WDR70: variants seen among roughly 807,000 people sequenced by gnomAD.
WDR70 encodes WD repeat domain 70, also known as WD repeat-containing protein 70.
A neutral mutation model predicts 88.6 loss-of-function variants in WDR70; 53 were observed. The ratio of observed to expected loss-of-function variants is 0.60; its 90% CI spans 0.48 to 0.75. WDR70 has a LOEUF of 0.75. WDR70 is among the 30% of genes least tolerant of loss of function. The pLI, the probability that WDR70 is intolerant of heterozygous loss-of-function variation, is 0.00. For synonymous variants in WDR70, 280 were observed against 270.0 expected, an observed-to-expected ratio of 1.04 and a Z score of -0.36; for missense variants, 610 against 823.2, an observed-to-expected ratio of 0.74 and a Z score of 3.17.
At chr5:37,519,884 T>A (rs1232782951) in intron 9 of WDR70, among the ~76,000 whole-genome samples, 7 of 152,324 alleles carry the variant, frequency 4.6e-5, no homozygotes, top group Non-Finnish European at 8.8e-5. Flanking sequence ...CTAATTTACA[T>A]TTTCACCAAC....
chr5:37,512,715 G>C (rs1290787727), intron 8 of WDR70, among the ~76,000 whole-genome samples: 2 of 151,288 alleles, frequency 1.3e-5, no homozygotes, highest in African/African-American at 2.4e-5. Flanking sequence ...CCGAGTAGCT[G>C]TGACTACCGT....
intron 3 of WDR70, among the ~76,000 whole-genome samples, chr5:37,387,918 C>T (rs1349654162): frequency 6.6e-6 from 1 of 151,974 alleles, no homozygotes; most frequent in Non-Finnish European, 1.5e-5. Context: ...AGACTTTGAC[C>T]CTTTTAATAG....
intron 6 of WDR70, among the ~76,000 whole-genome samples, chr5:37,439,481 A>T (rs916612607): frequency 6.6e-6 from 1 of 152,154 alleles, no homozygotes; most frequent in African/African-American, 2.4e-5. Context: ...GAGATGGGTC[A>T]TGAGTTTCAC....
intron 7 of WDR70, among the ~76,000 whole-genome samples, chr5:37,468,172 A>G (rs566154324): frequency 1.4e-3 from 208 of 152,324 alleles, no homozygotes; most frequent in Admixed American, 2.9e-3. Flanking sequence ...TTGAGGGAAC[A>G]CAAACATGCA....
intron 8 of WDR70, among the ~76,000 whole-genome samples, chr5:37,504,369 C>G (rs1413551805): frequency 6.6e-6 from 1 of 151,374 alleles, no homozygotes; most frequent in African/African-American, 2.4e-5. Flanking sequence ...CGCTTTATAT[C>G]ATTTATTAAT....
chr5:37,521,809 A>G (rs1449876460), intron 9 of WDR70, among the ~76,000 whole-genome samples: 1 of 151,906 alleles, frequency 6.6e-6, no homozygotes, highest in Non-Finnish European at 1.5e-5. Context: ...TGCAATTGCA[A>G]ATTGTGACCC....
chr5:37,687,421 C>T (rs529345047), intron 10 of WDR70, among the ~76,000 whole-genome samples: 2 of 152,194 alleles, frequency 1.3e-5, no homozygotes, highest in Admixed American at 1.3e-4. Context: ...TTATTAATAT[C>T]CAGCCATTTA....
intron 11 of WDR70, chr5:37,698,006 A>T: frequency 3.0e-6 from 1 of 336,856 alleles, no homozygotes; most frequent in Non-Finnish European, 5.6e-6. Context: ...AAATTCCATA[A>T]GAGTTTGAAG....
chr5:37,725,591 A>G (rs150998157), intron 16 of WDR70, among the ~76,000 whole-genome samples: 2 of 152,024 alleles, frequency 1.3e-5, no homozygotes, highest in Admixed American at 1.3e-4. Flanking sequence ...CTAGAATTTC[A>G]TTTTCTGTTA....
At chr5:37,624,607 CT>C (rs1268013306) in intron 10 of WDR70, among the ~76,000 whole-genome samples, 2 of 152,054 alleles carry the variant, frequency 1.3e-5, no homozygotes, top group Non-Finnish European at 2.9e-5. Context: ...GAAAAATCAA[CT>C]CATAAAAGGC....
intron 10 of WDR70, among the ~76,000 whole-genome samples, chr5:37,673,513 C>T (rs576678754): frequency 6.6e-6 from 1 of 151,968 alleles, no homozygotes; most frequent in East Asian, 1.9e-4. Flanking sequence ...TTTACACTCC[C>T]ACCAACAGTG....
intron 3 of WDR70, among the ~76,000 whole-genome samples, chr5:37,384,382 A>G (rs1236863310): frequency 1.1e-4 from 16 of 151,818 alleles, no homozygotes; most frequent in East Asian, 7.8e-4. Flanking sequence ...AGATTTCACC[A>G]TGTTGGCCAG....
chr5:37,400,417 C>A (rs1023570406), intron 5 of WDR70, among the ~76,000 whole-genome samples: 3 of 152,162 alleles, frequency 2.0e-5, no homozygotes, highest in Non-Finnish European at 4.4e-5. Context: ...TTGATTTTAT[C>A]ATTGTTTTTA....
intron 13 of WDR70, among the ~76,000 whole-genome samples, chr5:37,718,599 G>A (rs996057132): frequency 2.4e-4 from 36 of 152,050 alleles, no homozygotes; most frequent in African/African-American, 8.5e-4. Context: ...TCTCTCTCTA[G>A]GACCACATTA....
At chr5:37,453,520 G>A (rs556930770) in intron 7 of WDR70, among the ~76,000 whole-genome samples, 13 of 152,290 alleles carry the variant, frequency 8.5e-5, no homozygotes, top group African/African-American at 2.2e-4. Flanking sequence ...TGCCCTGGGC[G>A]GGCCAGGTGT....
Position 37,549,437 on chromosome 5 carries a change from G to A in WDR70, c.917+32847G>A, listed in dbSNP as rs116841825. ...TTTTAAAAGTTTCTTTTTCAGATTG[G>A]TCATTGTTGGCATATAGAAATGCTA... On this transcript the variant is annotated intron_variant, in intron 9 of 17. Coordinates refer to ENST00000265107, the MANE Select transcript of WDR70 (RefSeq NM_018034.4). Among the ~76,000 whole-genome samples the A allele has an allele frequency of 4.5e-4, 68 of 152,094 alleles. No individual in the cohort carries two copies. In the East Asian group the frequency reaches 0.013, roughly 28 times the overall value.
At chr5:37,701,293 T>A (rs1747154780) in intron 12 of WDR70, 151 bp downstream of exon 12, 2 of 534,616 alleles carry the variant, frequency 3.7e-6, no homozygotes, top group Non-Finnish European at 6.4e-6. Flanking sequence ...AAAATATGTA[T>A]TTTTTTTATT....
intron 8 of WDR70, among the ~76,000 whole-genome samples, chr5:37,514,336 C>CTATATATATATATATATATATATATATA (rs1385732925): frequency 4.6e-4 from 5 of 10,942 alleles, no homozygotes; most frequent in Non-Finnish European, 3.0e-3. Context: ...ATATTTAGAA[C>CTATATATATATATATATATATATATATA]TACATATATA....
intron 6 of WDR70, among the ~76,000 whole-genome samples, chr5:37,442,178 C>T (rs1233009695): frequency 1.3e-5 from 2 of 151,568 alleles, no homozygotes; most frequent in African/African-American, 4.8e-5. Flanking sequence ...GCTGGGATTA[C>T]AGGCATGCGC....
Sources: allele counts gnomAD v4.1 joint callset (sites outside exome capture counted in the v4.1 genomes callset), GRCh38; gene constraint gnomAD v4.1.1; transcripts MANE v1.5; gene names NCBI Gene and HGNC (gene_info 2026-07-23, HGNC 2026-07-21).